Variants in ELL observed in about 807,000 individuals in gnomAD.
ELL encodes the protein RNA polymerase II elongation factor ELL.
Under a neutral mutation model 64.0 loss-of-function variants are expected in ELL, and 18 were observed. The ratio of observed to expected loss-of-function variants is 0.28; its 90% confidence interval spans 0.19 to 0.42. The LOEUF is 0.42. Ranked by LOEUF, ELL falls within the 10% of genes least tolerant of loss-of-function variation. ELL has a pLI of 1.00. For synonymous variants in ELL, 399 were observed against 376.2 expected (o/e 1.06, Z -0.70); for missense variants, 797 against 870.4 (o/e 0.92, Z 1.06).
chr19:18,446,152 C>T, intron 10 of ELL, 157 bp downstream of exon 10: 1 of 964,660 alleles, frequency 1.0e-6, no homozygotes, highest in Non-Finnish European at 1.5e-6. Context: ...GGGCCAGAAC[C>T]ATGGGGTTGC....
chr19:18,481,005 T>C (rs1302602646), intron 1 of ELL, among the ~76,000 whole-genome samples: 10 of 152,208 alleles, frequency 6.6e-5, no homozygotes, highest in Admixed American at 5.2e-4. Flanking sequence ...TTCAGAAATC[T>C]TGTAGACAAA....
intron 1 of ELL, among the ~76,000 whole-genome samples, chr19:18,500,713 T>A (rs1316927075): frequency 6.6e-6 from 1 of 152,130 alleles, no homozygotes; most frequent in African/African-American, 2.4e-5. Flanking sequence ...AGGGTGGTCT[T>A]GGGCTGGAAC....
At chr19:18,454,946 C>T (rs1974626101) in intron 6 of ELL, among the ~76,000 whole-genome samples, 1 of 150,702 alleles carries the variant, frequency 6.6e-6, no homozygotes, top group Non-Finnish European at 1.5e-5. Flanking sequence ...TTGAGACAAG[C>T]CTGGCCAACA....
At chr19:18,492,405 G>A (rs148763695) in intron 1 of ELL, among the ~76,000 whole-genome samples, 1 of 152,286 alleles carries the variant, frequency 6.6e-6, no homozygotes, top group Non-Finnish European at 1.5e-5. Context: ...AAACTAAAAC[G>A]TAGCATTTCC....
At chr19:18,492,903 G>A (rs947078088) in intron 1 of ELL, among the ~76,000 whole-genome samples, 16 of 152,092 alleles carry the variant, frequency 1.1e-4, no homozygotes, top group Middle Eastern at 3.2e-3. Flanking sequence ...GCCAGGCTGC[G>A]ATGACACCAG....
In ELL at chr19:18,472,909, A is replaced by AGG. The variant is rs760482480; in HGVS notation, c.136-29_136-28dup. ...TATAAAAAAAAAAAAAAAAAAAAAAAGGTGAGGGGAACATCAATAAAGACA... is the reference window on the plus strand; with the variant it reads ...TATAAAAAAAAAAAAAAAAAAAAAAAGGGGTGAGGGGAACATCAATAAAGACA... On this transcript the variant is annotated intron_variant, in intron 1 of 11. Transcript: ENST00000262809. The AGG allele has an allele frequency of 7.6e-6, 11 of 1,451,364 alleles. No individual in the cohort carries two copies. In the Admixed American group the frequency reaches 2.3e-4, roughly 30 times the overall value. The allele number at this position is 1,451,364 out of a possible 1,614,324, so 89.9% of individuals were successfully genotyped here. A position where few individuals can be genotyped will look rare whatever the true frequency, so the allele number is the denominator to read the frequency against.
At position 18,451,548 on chromosome 19, in the gene ELL, T is replaced by G. The variant is rs1449041313; in HGVS notation, c.966+4A>C. On this transcript the variant is annotated splice_donor_region_variant and intron_variant, in intron 7 of 11. Transcript: ENST00000262809. ...GACAGTCACCCCAGGCATGCCTCAC[T>G]TACCTGTGGGGGCGAGGCCGAGCGC... The G allele has an allele frequency of 6.7e-7, 1 of 1,482,982 alleles. No homozygotes were observed. The highest frequency in any genetic ancestry group is 2.5e-5 in the Admixed American group (1 of 39,220). 91.9% of individuals were successfully genotyped at this position (1,482,982 alleles called of 1,614,324 possible).
At chr19:18,480,622 A>G (rs1235410544) in intron 1 of ELL, among the ~76,000 whole-genome samples, 1 of 152,222 alleles carries the variant, frequency 6.6e-6, no homozygotes, top group Non-Finnish European at 1.5e-5. Context: ...TGGCCGGCAT[A>G]GCAAGTATTT....
chr19:18,465,774 T>C, intron 3 of ELL, 23 bp downstream of exon 3: 1 of 1,423,226 alleles, frequency 7.0e-7, no homozygotes, highest in Non-Finnish European at 9.2e-7. Flanking sequence ...GGCGGGGTGC[T>C]CTGGGGTGGG....
chr19:18,479,286 A>G (rs1334168033), intron 1 of ELL, among the ~76,000 whole-genome samples: 1 of 152,236 alleles, frequency 6.6e-6, no homozygotes, highest in Non-Finnish European at 1.5e-5. Context: ...GGGGCTGAGA[A>G]GCCCTGGGCT....
chr19:18,497,458 A>G (rs1256362770), intron 1 of ELL, among the ~76,000 whole-genome samples: 1 of 152,100 alleles, frequency 6.6e-6, no homozygotes, highest in East Asian at 1.9e-4. Flanking sequence ...GTCATTATAC[A>G]TTTGTCTAAA....
chr19:18,481,992 T>C (rs1037980504), intron 1 of ELL, among the ~76,000 whole-genome samples: 2 of 152,178 alleles, frequency 1.3e-5, no homozygotes, highest in South Asian at 2.1e-4. Flanking sequence ...AGAGTTCCTG[T>C]TGCTCCCCAT....
rs748950436 is a variant in ELL, at chr19:18,472,886, TAAAAA to T, written c.136-9_136-5del. The T allele has an allele frequency of 1.1e-4, 131 of 1,217,438 alleles. No individual in the cohort carries two copies. The highest frequency in any genetic ancestry group is 4.1e-4 in the Admixed American group (9 of 22,196). The allele number at this position is 1,217,438 out of a possible 1,614,324, so 75.4% of individuals were successfully genotyped here. ...ATGGCCTCAGTGAAACAGAATCCTA[TAAAAA>T]AAAAAAAAAAAAAAAAAAGGTGAGG... On this transcript the variant is annotated splice_region_variant and splice_polypyrimidine_tract_variant and intron_variant, in intron 1 of 11. Coordinates refer to ENST00000262809, the MANE Select transcript of ELL (RefSeq NM_006532.4).
At chr19:18,491,764 A>C (rs1279737466) in intron 1 of ELL, among the ~76,000 whole-genome samples, 1 of 152,034 alleles carries the variant, frequency 6.6e-6, no homozygotes, top group South Asian at 2.1e-4. Context: ...AAAAAAACAA[A>C]AGATTAGCTG....
chr19:18,444,636 G>A lies in ELL; in HGVS notation c.*116C>T. 1 of 1,184,128 alleles carries A rather than the reference G, an allele frequency of 8.4e-7. No homozygotes were observed. Among genetic ancestry groups the A allele is most frequent in the Non-Finnish European group, 1.2e-6 (1 of 853,430 alleles). 73.4% of individuals were successfully genotyped at this position (1,184,128 alleles called of 1,614,324 possible). A position where few individuals can be genotyped will look rare whatever the true frequency, so the allele number is the denominator to read the frequency against. On this transcript the variant is annotated 3_prime_UTR_variant, in exon 12 of 12. Transcript: ENST00000262809. ...GACGTCTGCAGGGGCTGCCCTGAAAGCCGGCGGTGCTGGCTCAGATGAGCA... is the reference window on the plus strand; with the variant it reads ...GACGTCTGCAGGGGCTGCCCTGAAAACCGGCGGTGCTGGCTCAGATGAGCA...
chr19:18,492,495 G>A (rs1444093055), intron 1 of ELL, among the ~76,000 whole-genome samples: 1 of 152,210 alleles, frequency 6.6e-6, no homozygotes, highest in Non-Finnish European at 1.5e-5. Flanking sequence ...TGCATCCAAC[G>A]ATGGCTGTGC....
At chr19:18,447,576 C>T (rs1568374402) in intron 8 of ELL, among the ~76,000 whole-genome samples, 1 of 152,252 alleles carries the variant, frequency 6.6e-6, no homozygotes, top group Non-Finnish European at 1.5e-5. Flanking sequence ...GGCAGCTGTC[C>T]TGCTCCTGAG....
At chr19:18,510,499 G>A (rs543282735) in intron 1 of ELL, among the ~76,000 whole-genome samples, 11 of 152,254 alleles carry the variant, frequency 7.2e-5, no homozygotes, top group African/African-American at 1.7e-4. Context: ...GAGCCACACC[G>A]GGCTCTCCCT....
At chr19:18,474,069 T>C (rs1211599585) in intron 1 of ELL, among the ~76,000 whole-genome samples, 2 of 152,210 alleles carry the variant, frequency 1.3e-5, no homozygotes, top group African/African-American at 2.4e-5. Flanking sequence ...ACCTACCCCA[T>C]GGGTCAGCCC....
Sources: allele counts gnomAD v4.1 joint callset (sites outside exome capture counted in the v4.1 genomes callset), GRCh38; gene constraint gnomAD v4.1.1; transcripts MANE v1.5; gene names NCBI Gene and HGNC (gene_info 2026-07-23, HGNC 2026-07-21).